Variants in DMD observed in about 807,000 individuals in gnomAD.
DMD encodes the protein mutant dystrophin.
In DMD, 63 loss-of-function variants were observed where a neutral mutation model predicts 330.1. The ratio of observed to expected loss-of-function variants is 0.19; its 90% CI spans 0.16 to 0.24. The LOEUF (loss-of-function observed/expected upper bound fraction) is 0.24, where lower values mean the gene tolerates loss of function less well. Among genes scored for constraint, DMD ranks in the 10% least tolerant of loss-of-function variants. The probability of loss-of-function intolerance (pLI) is 1.00; values close to 1 mark genes in which losing one functional copy is unlikely to be tolerated. For synonymous variants in DMD, 1,223 were observed against 959.8 expected, an observed-to-expected ratio of 1.27 and a Z score of -5.07; for missense variants, 3,344 against 2,684.1, an observed-to-expected ratio of 1.25 and a Z score of -5.43.
chrX:33,267,516 CA>C (rs2053064392), intron 1 of DMD, among the ~76,000 whole-genome samples: 1 of 64,885 alleles, frequency 1.5e-5, no homozygotes, highest in African/African-American at 4.0e-5. Context: ...AATTCATATG[CA>C]ACCAAAAAAA....
intron 16 of DMD, 71 bp downstream of exon 16, chrX:32,565,631 A>G: frequency 9.4e-7 from 1 of 1,063,738 alleles, no homozygotes; most frequent in Non-Finnish European, 1.3e-6. Context: ...TAGGGTTATA[A>G]TGTCACTCTC....
At chrX:32,147,838 T>C (rs2096784997) in intron 44 of DMD, among the ~76,000 whole-genome samples, 1 of 109,695 alleles carries the variant, frequency 9.1e-6, no homozygotes, top group Non-Finnish European at 1.9e-5. Context: ...AATTCCCATT[T>C]TGCCATTTTC....
chrX:31,427,263 T>C (rs1022121725), intron 60 of DMD, among the ~76,000 whole-genome samples: 4 of 111,552 alleles, frequency 3.6e-5, no homozygotes, highest in African/African-American at 1.3e-4. Flanking sequence ...TAGAAAACCA[T>C]TCCATTTTTT....
At chrX:32,186,006 C>A (rs1306977688) in intron 44 of DMD, among the ~76,000 whole-genome samples, 1 of 110,860 alleles carries the variant, frequency 9.0e-6, no homozygotes, top group Non-Finnish European at 1.9e-5. Flanking sequence ...CAATGAAAAT[C>A]TATTTTCTTT....
chrX:32,224,384 A>G (rs760641820), intron 43 of DMD, among the ~76,000 whole-genome samples: 166 of 110,817 alleles, frequency 1.5e-3, no homozygotes, highest in Non-Finnish European at 2.7e-3. Context: ...TTATTTTTGT[A>G]TATAGTTTGA....
chrX:31,849,769 T>G (rs948094120), intron 48 of DMD, among the ~76,000 whole-genome samples: 17 of 110,917 alleles, frequency 1.5e-4, no homozygotes, highest in African/African-American at 4.9e-4. Flanking sequence ...AGACATAAGA[T>G]CTACTATTAA....
intron 2 of DMD, among the ~76,000 whole-genome samples, chrX:33,008,380 T>A (rs1266441645): frequency 9.0e-6 from 1 of 110,883 alleles, no homozygotes; most frequent in Non-Finnish European, 1.9e-5. Flanking sequence ...TGATCATAAT[T>A]TGAAATATAA....
chrX:32,779,171 T>C (rs896842323), intron 7 of DMD, among the ~76,000 whole-genome samples: 1 of 110,903 alleles, frequency 9.0e-6, no homozygotes, highest in Non-Finnish European at 1.9e-5. Flanking sequence ...CACTGATAGG[T>C]GGCACAGTAG....
chrX:33,243,741 G>A (rs766388691), intron 1 of DMD, among the ~76,000 whole-genome samples: 12 of 111,803 alleles, frequency 1.1e-4, no homozygotes, highest in Non-Finnish European at 2.1e-4. Flanking sequence ...CAACAACATG[G>A]ATGGAACCGG....
chrX:33,064,635 T>C (rs2094626067), intron 1 of DMD, among the ~76,000 whole-genome samples: 3 of 112,039 alleles, frequency 2.7e-5, no homozygotes, highest in Admixed American at 9.5e-5. Context: ...ATGCCTGTAA[T>C]CCCAACACTT....
intron 9 of DMD, among the ~76,000 whole-genome samples, chrX:32,695,180 G>A (rs776471869): frequency 6.2e-5 from 7 of 112,035 alleles, no homozygotes; most frequent in Admixed American, 9.5e-5. Flanking sequence ...AATCACCGTC[G>A]AGAAAGTGCA....
chrX:32,446,769 T>C (rs1465333828), intron 27 of DMD, among the ~76,000 whole-genome samples: 1 of 110,580 alleles, frequency 9.0e-6, no homozygotes, highest in Non-Finnish European at 1.9e-5. Context: ...TAAACTATGC[T>C]AATGTTTCCA....
At chrX:32,263,900 A>T (rs769492411) in intron 43 of DMD, among the ~76,000 whole-genome samples, 1 of 112,209 alleles carries the variant, frequency 8.9e-6, no homozygotes, top group Admixed American at 9.4e-5. Flanking sequence ...ACCCAAAGGA[A>T]AAAATGTAAA....
At chrX:33,338,737 A>T (rs1179053060) in intron 1 of DMD, among the ~76,000 whole-genome samples, 1 of 111,587 alleles carries the variant, frequency 9.0e-6, no homozygotes, top group Non-Finnish European at 1.9e-5. Context: ...ATGCAGAATG[A>T]CTGAATAAAT....
Position 31,484,476 on chromosome X carries a change from T to C in DMD, c.8548-5373A>G, listed in dbSNP as rs1385939969. ...CATCCTCTTCCCCATACCTTTCTTT[T>C]CACCTTTCCAAGACAGCCAGACCCA... is the stretch of plus-strand genomic sequence containing the variant. On this transcript the variant is annotated intron_variant, in intron 57 of 78. Coordinates refer to ENST00000357033, the MANE Select transcript of DMD (RefSeq NM_004006.3). Among the ~76,000 whole-genome samples, 6 of 111,934 alleles carry C rather than the reference T, an allele frequency of 5.4e-5. No individual in the cohort carries two copies. In the East Asian group the frequency reaches 1.7e-3, roughly 31 times the overall value.
chrX:31,240,728 A>G (rs1231291996), intron 63 of DMD, among the ~76,000 whole-genome samples: 1 of 111,694 alleles, frequency 9.0e-6, no homozygotes, highest in South Asian at 3.8e-4. Context: ...GTTATCATTT[A>G]TTAGGTGCTT....
intron 44 of DMD, among the ~76,000 whole-genome samples, chrX:32,011,722 T>C (rs1269784019): frequency 9.0e-6 from 1 of 111,055 alleles, no homozygotes; most frequent in Admixed American, 9.6e-5. Flanking sequence ...TCATGTCACC[T>C]TGTGCTTAAA....
chrX:32,721,999 C>T (rs2066370409), intron 7 of DMD, among the ~76,000 whole-genome samples: 1 of 109,659 alleles, frequency 9.1e-6, no homozygotes, highest in Non-Finnish European at 1.9e-5. Context: ...GATCTCTATT[C>T]TGTTCCATCA....
At chrX:32,628,747 T>C (rs193177413) in intron 11 of DMD, among the ~76,000 whole-genome samples, 175 of 111,607 alleles carry the variant, frequency 1.6e-3, no homozygotes, top group African/African-American at 5.3e-3. Context: ...AGAAATTCTA[T>C]AGTTTCCTTC....
Sources: allele counts gnomAD v4.1 joint callset (sites outside exome capture counted in the v4.1 genomes callset), GRCh38; gene constraint gnomAD v4.1.1; transcripts MANE v1.5; gene names NCBI Gene and HGNC (gene_info 2026-07-23, HGNC 2026-07-21).